The following TENM4 variants were observed in gnomAD, a reference collection of about 807,000 sequenced individuals.
TENM4 encodes the protein teneurin transmembrane protein 4, also known as teneurin-4.
In TENM4, 82 loss-of-function variants were observed where a neutral mutation model predicts 243.3. The ratio of observed to expected loss-of-function variants is 0.34; its 90% CI spans 0.28 to 0.40. The LOEUF (loss-of-function observed/expected upper bound fraction) is 0.40. Among genes scored for constraint, TENM4 ranks in the 10% least tolerant of loss-of-function variants. TENM4 has a pLI of 1.00. For missense variants in TENM4, 3,138 were observed against 3,673.3 expected (o/e 0.85, Z 3.77); for synonymous variants, 1,412 against 1,456.3 (o/e 0.97, Z 0.69).
intron 2 of TENM4, among the ~76,000 whole-genome samples, chr11:79,268,576 A>G (rs1855918140): frequency 6.6e-6 from 1 of 152,190 alleles, no homozygotes; most frequent in East Asian, 1.9e-4. Context: ...TGCTATTCCC[A>G]GAAATGTACT....
intron 29 of TENM4, among the ~76,000 whole-genome samples, chr11:78,686,334 T>G (rs1858671259): frequency 1.3e-5 from 2 of 152,236 alleles, no homozygotes. Flanking sequence ...CCCCTTACCC[T>G]ATATCTTGTC....
At chr11:79,283,096 A>T (rs1025720543) in intron 2 of TENM4, among the ~76,000 whole-genome samples, 3 of 152,156 alleles carry the variant, frequency 2.0e-5, no homozygotes, top group African/African-American at 4.8e-5. Context: ...CAAGATTAAC[A>T]CAAATTCTTT....
intron 1 of TENM4, among the ~76,000 whole-genome samples, chr11:79,439,799 A>G (rs888605400): frequency 2.6e-5 from 4 of 152,182 alleles, no homozygotes; most frequent in African/African-American, 9.7e-5. Flanking sequence ...CCCAGAGCAC[A>G]TTTCCCGAAG....
At chr11:78,813,468 C>CT (rs1431153276) in intron 13 of TENM4, among the ~76,000 whole-genome samples, 1 of 152,332 alleles carries the variant, frequency 6.6e-6, no homozygotes, top group East Asian at 1.9e-4. Context: ...TTGTCTGTCT[C>CT]TGAGACCAGA....
intron 7 of TENM4, among the ~76,000 whole-genome samples, chr11:78,900,097 G>A (rs1005933426): frequency 2.0e-5 from 3 of 152,162 alleles, no homozygotes; most frequent in Non-Finnish European, 2.9e-5. Flanking sequence ...CCCTGTCAAC[G>A]CGATGTGGAG....
At chr11:79,193,296 G>A (rs1323839596) in intron 3 of TENM4, 1 of 152,202 alleles carries the variant, frequency 6.6e-6, no homozygotes, top group Non-Finnish European at 1.5e-5. Flanking sequence ...AGGTGGGCAG[G>A]GCAGCCGGAA....
At chr11:78,933,616 C>T (rs1856717846) in intron 6 of TENM4, among the ~76,000 whole-genome samples, 2 of 152,170 alleles carry the variant, frequency 1.3e-5, no homozygotes, top group African/African-American at 4.8e-5. Context: ...ACCTGGAGAA[C>T]ACTGCTGCAG....
chr11:79,090,535 GGA>G (rs1860921031), intron 4 of TENM4, among the ~76,000 whole-genome samples: 1 of 152,216 alleles, frequency 6.6e-6, no homozygotes, highest in Non-Finnish European at 1.5e-5. Context: ...TCCACTGAAG[GGA>G]GAGTTGTTAC....
intron 15 of TENM4, among the ~76,000 whole-genome samples, chr11:78,788,275 G>T (rs1467970573): frequency 6.6e-6 from 1 of 152,246 alleles, no homozygotes; most frequent in Non-Finnish European, 1.5e-5. Context: ...AAATGTTTGA[G>T]AATTTAACAA....
intron 1 of TENM4, among the ~76,000 whole-genome samples, chr11:79,436,534 A>G (rs1355911070): frequency 2.0e-5 from 3 of 152,242 alleles, no homozygotes; most frequent in Non-Finnish European, 4.4e-5. Context: ...TGAGGAGACT[A>G]TACCAAATAG....
chr11:78,820,602 A>G (rs1481119571), intron 12 of TENM4, among the ~76,000 whole-genome samples: 2 of 152,196 alleles, frequency 1.3e-5, no homozygotes, highest in Non-Finnish European at 2.9e-5. Context: ...AGGGTCACAC[A>G]TGTCTTCCAT....
chr11:78,982,027 G>A (rs1857808144), intron 6 of TENM4, among the ~76,000 whole-genome samples: 1 of 152,112 alleles, frequency 6.6e-6, no homozygotes, highest in African/African-American at 2.4e-5. Flanking sequence ...CCTGCAAGAA[G>A]CCTGATCAGT....
At chr11:79,066,685 C>A (rs1042241440) in intron 5 of TENM4, among the ~76,000 whole-genome samples, 1 of 150,960 alleles carries the variant, frequency 6.6e-6, no homozygotes, top group African/African-American at 2.5e-5. Flanking sequence ...CACACGCACG[C>A]ATGCACACTC....
At chr11:79,313,527 C>T (rs924254944) in intron 1 of TENM4, among the ~76,000 whole-genome samples, 3 of 152,196 alleles carry the variant, frequency 2.0e-5, no homozygotes, top group Admixed American at 2.0e-4. Context: ...ATAACTCTTT[C>T]ACAGAAAGAG....
At chr11:78,922,707 C>T (rs1338008222) in intron 6 of TENM4, among the ~76,000 whole-genome samples, 1 of 152,204 alleles carries the variant, frequency 6.6e-6, no homozygotes, top group Non-Finnish European at 1.5e-5. Context: ...CAGCAGGCAT[C>T]AGCCCCAAAG....
At chr11:78,689,973 C>G (rs7104120) in intron 28 of TENM4, among the ~76,000 whole-genome samples, 3,202 of 152,268 alleles carry the variant, frequency 0.021, 114 homozygotes, top group African/African-American at 0.073. Flanking sequence ...GTGCTGTGGC[C>G]TCGAATACAC....
intron 1 of TENM4, among the ~76,000 whole-genome samples, chr11:79,370,075 T>A (rs1857752463): frequency 6.6e-6 from 1 of 152,188 alleles, no homozygotes; most frequent in Non-Finnish European, 1.5e-5. Context: ...CCCCCTGCCC[T>A]GCTTTAATTT....
chr11:78,882,861 G>A (rs758436757), intron 9 of TENM4, among the ~76,000 whole-genome samples: 1 of 152,180 alleles, frequency 6.6e-6, no homozygotes, highest in African/African-American at 2.4e-5. Context: ...TTCAAGCAAG[G>A]GTTCTGATTT....
chr11:79,189,798 G>A (rs1036349275), intron 3 of TENM4, among the ~76,000 whole-genome samples: 12 of 152,198 alleles, frequency 7.9e-5, no homozygotes, highest in Admixed American at 3.3e-4. Flanking sequence ...GCCTGAGAGC[G>A]CAACATCAGA....
Sources: allele counts gnomAD v4.1 joint callset (sites outside exome capture counted in the v4.1 genomes callset), GRCh38; gene constraint gnomAD v4.1.1; transcripts MANE v1.5; gene names NCBI Gene and HGNC (gene_info 2026-07-23, HGNC 2026-07-21).